VPS13B: variants seen among roughly 807,000 people sequenced by gnomAD.
VPS13B encodes the protein intermembrane lipid transfer protein VPS13B.
Under a neutral mutation model 426.4 loss-of-function variants are expected in VPS13B, and 285 were observed. The observed-to-expected ratio is 0.67, with a 90% CI of 0.61 to 0.74. The LOEUF (loss-of-function observed/expected upper bound fraction) is 0.74. Ranked by LOEUF, VPS13B falls within the 30% of genes least tolerant of loss-of-function variation. The pLI, the probability that VPS13B is intolerant of heterozygous loss-of-function variation, is 0.00. For missense variants in VPS13B, 4,537 were observed against 4,782.6 expected, an observed-to-expected ratio of 0.95 and a Z score of 1.51; for synonymous variants, 1,676 against 1,676.4, an observed-to-expected ratio of 1.00 and a Z score of 0.01.
At chr8:99,646,348 CTACAAAAAAT>C (rs1413882553) in intron 34 of VPS13B, among the ~76,000 whole-genome samples, 1 of 152,048 alleles carries the variant, frequency 6.6e-6, no homozygotes, top group African/African-American at 2.4e-5. Flanking sequence ...GACCCCATCT[CTACAAAAAAT>C]TACAAAAAAT....
chr8:99,087,074 C>A (rs957525840), intron 3 of VPS13B, among the ~76,000 whole-genome samples: 3 of 152,202 alleles, frequency 2.0e-5, no homozygotes, highest in African/African-American at 7.2e-5. Flanking sequence ...CAGAGGCAGG[C>A]AGGCCTCCTT....
chr8:99,610,436 G>A (rs897185467), intron 33 of VPS13B, among the ~76,000 whole-genome samples: 4 of 152,064 alleles, frequency 2.6e-5, no homozygotes, highest in Admixed American at 6.6e-5. Context: ...TGTCCTTTGC[G>A]GGGACATGGA....
intron 19 of VPS13B, among the ~76,000 whole-genome samples, chr8:99,332,233 G>A (rs1160708464): frequency 6.6e-6 from 1 of 151,458 alleles, no homozygotes; most frequent in Non-Finnish European, 1.5e-5. Context: ...TGTGACTTAG[G>A]TTTTTTCAGT....
chr8:99,197,158 T>A (rs1189332596), intron 17 of VPS13B, among the ~76,000 whole-genome samples: 1 of 152,212 alleles, frequency 6.6e-6, no homozygotes, highest in Non-Finnish European at 1.5e-5. Flanking sequence ...CATCCTTGCA[T>A]CCCAAGGATA....
intron 31 of VPS13B, among the ~76,000 whole-genome samples, chr8:99,567,096 C>A (rs1202994901): frequency 2.6e-5 from 4 of 152,192 alleles, no homozygotes; most frequent in African/African-American, 9.6e-5. Flanking sequence ...TTTAAAAAAT[C>A]TCCTGACCTT....
At chr8:99,605,516 T>A (rs1026792713) in intron 33 of VPS13B, among the ~76,000 whole-genome samples, 1 of 152,220 alleles carries the variant, frequency 6.6e-6, no homozygotes, top group African/African-American at 2.4e-5. Flanking sequence ...TCCTCAACAT[T>A]TTAGAAGAGT....
chr8:99,775,431 C>T (rs1811692464), intron 40 of VPS13B, among the ~76,000 whole-genome samples: 1 of 152,114 alleles, frequency 6.6e-6, no homozygotes, highest in Admixed American at 6.6e-5. Flanking sequence ...ATTCGGTGAT[C>T]CACAATTAAC....
chr8:99,707,755 G>A (rs894516201), intron 36 of VPS13B, among the ~76,000 whole-genome samples: 3 of 152,190 alleles, frequency 2.0e-5, no homozygotes, highest in African/African-American at 7.2e-5. Context: ...AGCCCATGGA[G>A]CTAGTCTTAA....
intron 3 of VPS13B, among the ~76,000 whole-genome samples, chr8:99,060,023 A>T (rs1844094291): frequency 6.6e-6 from 1 of 152,068 alleles, no homozygotes; most frequent in African/African-American, 2.4e-5. Flanking sequence ...GGCGTGAGCC[A>T]CTCTGCAGGC....
chr8:99,527,540 A>G (rs544836114), intron 30 of VPS13B, among the ~76,000 whole-genome samples: 1 of 152,114 alleles, frequency 6.6e-6, no homozygotes, highest in Admixed American at 6.5e-5. Context: ...CTATTCTGTG[A>G]TGTGTTCAAC....
chr8:99,450,802 G>C (rs1372735697), intron 23 of VPS13B, among the ~76,000 whole-genome samples: 1 of 151,816 alleles, frequency 6.6e-6, no homozygotes, highest in Non-Finnish European at 1.5e-5. Flanking sequence ...AGAATTGCTT[G>C]TTTATCATTC....
intron 8 of VPS13B, among the ~76,000 whole-genome samples, chr8:99,124,445 T>A (rs1848093056): frequency 1.3e-5 from 2 of 152,174 alleles, no homozygotes; most frequent in South Asian, 4.1e-4. Flanking sequence ...AAAAAACTGG[T>A]ATTCAAACAA....
intron 19 of VPS13B, among the ~76,000 whole-genome samples, chr8:99,291,800 A>T (rs184039034): frequency 2.3e-4 from 35 of 152,258 alleles, no homozygotes; most frequent in African/African-American, 7.5e-4. Flanking sequence ...AGCATTGCAA[A>T]TATTTTCAAT....
Position 99,225,984 on chromosome 8 carries a change from G to A in VPS13B, c.2515+32927G>A, listed in dbSNP as rs181174316. Among the ~76,000 whole-genome samples, 137 of 151,756 alleles carry A rather than the reference G, an allele frequency of 9.0e-4. 1 individual carries two copies. The highest frequency in any genetic ancestry group is 3.5e-3 in the East Asian group (18 of 5,140). On this transcript the variant is annotated intron_variant, in intron 17 of 61. Transcript: ENST00000357162. ...TTTTGAGACAGAGTCTCGCTCTGTCGCCCAGGCTGGAGTGCAGTGGTGCGA... is the reference window on the plus strand; with the variant it reads ...TTTTGAGACAGAGTCTCGCTCTGTCACCCAGGCTGGAGTGCAGTGGTGCGA...
At chr8:99,492,484 G>A (rs539424757) in intron 25 of VPS13B, among the ~76,000 whole-genome samples, 1 of 152,310 alleles carries the variant, frequency 6.6e-6, no homozygotes, top group African/African-American at 2.4e-5. Flanking sequence ...GTGGAGTCTA[G>A]AGAGGCAGTA....
At chr8:99,391,506 A>G in intron 20 of VPS13B, 51 bp from the exon 21 acceptor site, 1 of 1,613,468 alleles carries the variant, frequency 6.2e-7, no homozygotes, top group East Asian at 2.2e-5. Context: ...GCTGCTTAAG[A>G]AATAGTGAAA....
At chr8:99,026,878 T>C (rs140054088) in intron 2 of VPS13B, among the ~76,000 whole-genome samples, 3 of 152,152 alleles carry the variant, frequency 2.0e-5, no homozygotes, top group Non-Finnish European at 2.9e-5. Flanking sequence ...TTATTTATTT[T>C]TTTTTTCCCC....
At chr8:99,096,849 A>G (rs1176276744) in intron 4 of VPS13B, among the ~76,000 whole-genome samples, 1 of 152,126 alleles carries the variant, frequency 6.6e-6, no homozygotes, top group Non-Finnish European at 1.5e-5. Context: ...GTGCATATGT[A>G]CTTGCTACAT....
At chr8:99,619,263 C>T (rs1448624671) in intron 33 of VPS13B, among the ~76,000 whole-genome samples, 1 of 152,132 alleles carries the variant, frequency 6.6e-6, no homozygotes, top group East Asian at 1.9e-4. Flanking sequence ...CACCCTTAGA[C>T]CCATTCCACC....
Sources: allele counts gnomAD v4.1 joint callset (sites outside exome capture counted in the v4.1 genomes callset), GRCh38; gene constraint gnomAD v4.1.1; transcripts MANE v1.5; gene names NCBI Gene and HGNC (gene_info 2026-07-23, HGNC 2026-07-21).